PRDM16: variants seen among roughly 807,000 people sequenced by gnomAD.
PRDM16 encodes the protein PR/SET domain 16, also known as histone-lysine N-methyltransferase PRDM16.
PRDM16 carries 23 observed loss-of-function variants against 110.6 expected under a neutral mutation model. The observed-to-expected ratio is 0.21, with a 90% CI of 0.15 to 0.29. PRDM16 has a LOEUF of 0.29. PRDM16 is among the 10% of genes least tolerant of loss of function. The pLI is 1.00. For synonymous variants in PRDM16, 799 were observed against 781.8 expected (o/e 1.02, Z -0.37); for missense variants, 1,615 against 1,794.3 (o/e 0.90, Z 1.81).
At chr1:3,430,810 G>T in intron 14 of PRDM16, 62 bp from the exon 15 acceptor site, 1 of 1,582,700 alleles carries the variant, frequency 6.3e-7, no homozygotes, top group Middle Eastern at 1.7e-4. Flanking sequence ...ACCAGCCTTT[G>T]GGGGTCCATG....
In PRDM16 at chr1:3,157,416, T is replaced by C. The variant is rs118067311; in HGVS notation, c.38-28709T>C. ...CCCCAGGCTCCCAGGCCTTTTGCGA[T>C]CCCATTAAAAAAAAAAAAAAAAAAA... On this transcript the variant is annotated intron_variant, in intron 1 of 16. Transcript: ENST00000270722. The surrounding 1 kb of genome is among the most constrained non-coding windows in gnomAD (Gnocchi z 4.8). Among the ~76,000 whole-genome samples the C allele has an allele frequency of 2.3e-4, 27 of 117,942 alleles. No individual in the cohort carries two copies. Among genetic ancestry groups the C allele is most frequent in the Admixed American group, 1.6e-3 (17 of 10,956 alleles). 77.4% of individuals were successfully genotyped at this position (117,942 alleles called of 152,430 possible). A position where few individuals can be genotyped will look rare whatever the true frequency, so the allele number is the denominator to read the frequency against.
intron 1 of PRDM16, among the ~76,000 whole-genome samples, chr1:3,184,680 C>A (rs893288591): frequency 6.6e-6 from 1 of 152,200 alleles, no homozygotes; most frequent in Non-Finnish European, 1.5e-5. Context: ...CCAAACACCT[C>A]ATCACCCCGA....
At position 3,246,570 on chromosome 1, in the gene PRDM16, G is replaced by A. The variant is rs1002662054; in HGVS notation, c.438+2433G>A. 4.6e-5 allele frequency among the ~76,000 whole-genome samples: 7 copies of A among 152,236 alleles called. No individual in the cohort carries two copies. The highest frequency in any genetic ancestry group is 8.8e-5 in the Non-Finnish European group (6 of 68,042). On this transcript the variant is annotated intron_variant, in intron 3 of 16. Transcript: ENST00000270722. The surrounding 1 kb of genome is among the most constrained non-coding windows in gnomAD (Gnocchi z 5.2). ...CTGCCCTGCAGGCCCAGTCCGAGGG[G>A]CTGGGGGCTGCCTGGAGGAGGCACC...
intron 8 of PRDM16, among the ~76,000 whole-genome samples, chr1:3,405,878 G>A (rs1263241391): frequency 6.6e-6 from 1 of 152,186 alleles, no homozygotes; most frequent in Non-Finnish European, 1.5e-5. Context: ...CCTCCTCCAC[G>A]GCTCCCCTTG....
intron 1 of PRDM16, among the ~76,000 whole-genome samples, chr1:3,085,464 C>T (rs539320612): frequency 1.3e-4 from 20 of 152,358 alleles, no homozygotes; most frequent in African/African-American, 4.6e-4. Context: ...GCAGCATCTG[C>T]TCTCTTGGTC....
chr1:3,416,802 G>A (rs1019203845), intron 10 of PRDM16, among the ~76,000 whole-genome samples: 1 of 152,200 alleles, frequency 6.6e-6, no homozygotes. Context: ...CCGAGGCCCG[G>A]GGTTTGTTCC....
chr1:3,356,613 G>A (rs911268096), intron 3 of PRDM16, among the ~76,000 whole-genome samples: 23 of 152,242 alleles, frequency 1.5e-4, no homozygotes, highest in African/African-American at 4.3e-4. Flanking sequence ...TCTGGACGCT[G>A]TTCTAAGGAG....
rs1273308676 is a variant in PRDM16, at chr1:3,201,760, C to T, written c.387+15286C>T. Among the ~76,000 whole-genome samples the T allele has an allele frequency of 6.6e-6, 1 of 152,228 alleles. No homozygotes were observed. The highest frequency in any genetic ancestry group is 6.5e-5 in the Admixed American group (1 of 15,284). Reference sequence around the variant, plus strand: ...TGGAGCCGAGTAGGGTCGTGTCTGCCCCGCTTCCACGCGAGCCCTCTCCCA... The same window carrying T: ...TGGAGCCGAGTAGGGTCGTGTCTGCTCCGCTTCCACGCGAGCCCTCTCCCA... On this transcript the variant is annotated intron_variant, in intron 2 of 16. Transcript: ENST00000270722. This position sits in a 1 kb window ranked among gnomAD's most constrained non-coding sequence, Gnocchi z 4.1.
At position 3,143,157 on chromosome 1, in the gene PRDM16, G is replaced by A. The variant is rs963117772; in HGVS notation, c.38-42968G>A. On this transcript the variant is annotated intron_variant, in intron 1 of 16. Coordinates refer to ENST00000270722, the MANE Select transcript of PRDM16 (RefSeq NM_022114.4). The surrounding 1 kb of genome is among the most constrained non-coding windows in gnomAD (Gnocchi z 4.5). ...GAAGGGAGACCTTGTGGCAACCGCA[G>A]TGCTGGGCCGGGGGGAGTCGCTGGT... 2.0e-5 allele frequency among the ~76,000 whole-genome samples: 3 copies of A among 152,224 alleles called. No individual in the cohort carries two copies. The highest frequency in any genetic ancestry group is 7.2e-5 in the African/African-American group (3 of 41,452).
At chr1:3,317,672 G>A (rs1040300408) in intron 3 of PRDM16, among the ~76,000 whole-genome samples, 5 of 152,328 alleles carry the variant, frequency 3.3e-5, no homozygotes, top group Non-Finnish European at 2.9e-5. Context: ...CTGGGAAGCC[G>A]TCTGAGGGCA....
chr1:3,420,557 TC>T (rs1638398610), intron 12 of PRDM16, among the ~76,000 whole-genome samples: 2 of 152,218 alleles, frequency 1.3e-5, no homozygotes, highest in Admixed American at 6.5e-5. Flanking sequence ...GGAAGCCTCT[TC>T]CGTTTAAGTC....
chr1:3,389,126 C>G (rs935989383), intron 4 of PRDM16, among the ~76,000 whole-genome samples: 1 of 152,196 alleles, frequency 6.6e-6, no homozygotes, highest in Non-Finnish European at 1.5e-5. Flanking sequence ...CAAAAGAGGA[C>G]CGGCCATGTG....
At chr1:3,324,427 GAT>G (rs961303925) in intron 3 of PRDM16, among the ~76,000 whole-genome samples, 1 of 152,184 alleles carries the variant, frequency 6.6e-6, no homozygotes, top group African/African-American at 2.4e-5. Context: ...CACTCCCCGC[GAT>G]GCTCCTGGCT....
At chr1:3,300,725 T>A (rs930549840) in intron 3 of PRDM16, among the ~76,000 whole-genome samples, 1 of 152,222 alleles carries the variant, frequency 6.6e-6, no homozygotes, top group African/African-American at 2.4e-5. Context: ...TTATTATTTG[T>A]CTTTTCCACC....
In PRDM16 at chr1:3,209,336, G is replaced by C. The variant is rs962538695; in HGVS notation, c.387+22862G>C. Among the ~76,000 whole-genome samples the C allele has an allele frequency of 2.0e-5, 3 of 152,184 alleles. No individual in the cohort carries two copies. Among genetic ancestry groups the C allele is most frequent in the Admixed American group, 2.0e-4 (3 of 15,284 alleles). ...GGGACAGCACTGCACGTTTGACATCGGGGCACGCAGCTCCGACGTGGCCGG... is the reference window on the plus strand; with the variant it reads ...GGGACAGCACTGCACGTTTGACATCCGGGCACGCAGCTCCGACGTGGCCGG... On this transcript the variant is annotated intron_variant, in intron 2 of 16. Coordinates refer to ENST00000270722, the MANE Select transcript of PRDM16 (RefSeq NM_022114.4). The surrounding 1 kb of genome is among the most constrained non-coding windows in gnomAD (Gnocchi z 4.6).
At chr1:3,114,397 C>G (rs535853249) in intron 1 of PRDM16, among the ~76,000 whole-genome samples, 9 of 138,330 alleles carry the variant, frequency 6.5e-5, no homozygotes, top group African/African-American at 1.7e-4. Context: ...CGCGCACGCA[C>G]GCGCACACAC....
In PRDM16 at chr1:3,245,891, G is replaced by T. The variant is rs1054913716; in HGVS notation, c.438+1754G>T. Among the ~76,000 whole-genome samples the T allele has an allele frequency of 1.2e-4, 18 of 152,240 alleles. No homozygotes were observed. Among genetic ancestry groups the T allele is most frequent in the African/African-American group, 4.3e-4 (18 of 41,544 alleles). Reference sequence around the variant, plus strand: ...CTGAAATCACTGGGTTTTCCACCCCGATGCGTCCCTGGACCGTCTGACATT... The same window carrying T: ...CTGAAATCACTGGGTTTTCCACCCCTATGCGTCCCTGGACCGTCTGACATT... On this transcript the variant is annotated intron_variant, in intron 3 of 16. Coordinates refer to ENST00000270722, the MANE Select transcript of PRDM16 (RefSeq NM_022114.4). The surrounding 1 kb of genome is among the most constrained non-coding windows in gnomAD (Gnocchi z 4.7).
chr1:3,106,742 G>C (rs74497009), intron 1 of PRDM16, among the ~76,000 whole-genome samples: 10 of 152,166 alleles, frequency 6.6e-5, no homozygotes, highest in Non-Finnish European at 1.3e-4. Context: ...AGCTCCCGGC[G>C]GGCTGCCTGA....
At chr1:3,397,237 C>G (rs192955961) in intron 5 of PRDM16, among the ~76,000 whole-genome samples, 203 of 152,342 alleles carry the variant, frequency 1.3e-3, no homozygotes, top group African/African-American at 4.5e-3. Context: ...CACAGTGATG[C>G]GGAGTCGCCC....
Sources: gnomAD v4.1 joint callset for allele counts (sites outside exome capture counted in the v4.1 genomes callset) on GRCh38, gnomAD v4.1.1 for gene constraint, Gnocchi (gnomAD v3.1) non-coding constraint, MANE v1.5 for transcripts, NCBI Gene and HGNC (gene_info 2026-07-23, HGNC 2026-07-21) for gene names.